The following KDM2A variants were observed in gnomAD, a reference collection of about 807,000 sequenced individuals.
The protein encoded by KDM2A is lysine demethylase 2A.
In KDM2A, 3 loss-of-function variants were observed where a neutral mutation model predicts 137.3. The ratio of observed to expected loss-of-function variants is 0.02; its 90% confidence interval spans 0.01 to 0.06. KDM2A has a LOEUF of 0.06. Among genes scored for constraint, KDM2A ranks in the 10% least tolerant of loss-of-function variants. KDM2A has a pLI of 1.00. For synonymous variants in KDM2A, 512 were observed against 541.5 expected (o/e 0.95, Z 0.76); for missense variants, 738 against 1,510.6 (o/e 0.49, Z 8.48).
rs545799963 is a variant in KDM2A at position 67,214,506 on chromosome 11, A to G, written c.487-834A>G. Among the ~76,000 whole-genome samples, 7 of 151,610 alleles carry G rather than the reference A, an allele frequency of 4.6e-5. No individual in the cohort carries two copies. In the South Asian group the frequency reaches 1.5e-3, roughly 32 times the overall value. On this transcript the variant is annotated intron_variant, in intron 6 of 20. Transcript: ENST00000529006. ...GGCGTGAGCCACTGCACTGGGCCTA[A>G]TTTTGTATTTTTAGTAGAGACGGGA...
At chr11:67,154,142 C>T (rs1856463866) in intron 2 of KDM2A, among the ~76,000 whole-genome samples, 1 of 152,198 alleles carries the variant, frequency 6.6e-6, no homozygotes, top group Non-Finnish European at 1.5e-5. Context: ...TTATATTTGA[C>T]TGTTGACTCT....
chr11:67,161,311 A>G (rs1199414029), intron 2 of KDM2A, among the ~76,000 whole-genome samples: 1 of 152,224 alleles, frequency 6.6e-6, no homozygotes, highest in Non-Finnish European at 1.5e-5. Flanking sequence ...TAGAAATTGT[A>G]TCCACGTGAA....
rs558324802 is a variant in KDM2A, at chr11:67,161,090, A to T, written c.43-18989A>T. Among the ~76,000 whole-genome samples the T allele has an allele frequency of 2.0e-5, 3 of 152,234 alleles. No homozygotes were observed. The East Asian group carries it at 5.8e-4, about 29-fold the overall frequency. ...ACAAGGTGGACTAGTGGCCAGGCAC[A>T]GTAATTCACACCTGTATTCCCCACA... On this transcript the variant is annotated intron_variant, in intron 2 of 20. Transcript: ENST00000529006.
chr11:67,253,880 A>G (rs1031019163), intron 19 of KDM2A, among the ~76,000 whole-genome samples: 1 of 152,188 alleles, frequency 6.6e-6, no homozygotes, highest in African/African-American at 2.4e-5. Context: ...AGAAGGCTTT[A>G]TGGTGGAGGT....
At chr11:67,252,892 G>T (rs781084427) in intron 18 of KDM2A, 35 bp downstream of exon 18, 78 of 1,575,226 alleles carry the variant, frequency 5.0e-5, no homozygotes, top group Non-Finnish European at 6.3e-5. Context: ...CTTTCCAGGG[G>T]CCCAGAAGAA....
intron 5 of KDM2A, among the ~76,000 whole-genome samples, chr11:67,189,035 A>G (rs1300168921): frequency 6.6e-6 from 1 of 152,142 alleles, no homozygotes; most frequent in Non-Finnish European, 1.5e-5. Flanking sequence ...AAGTAAGGAA[A>G]TAGTGGACTT....
intron 5 of KDM2A, among the ~76,000 whole-genome samples, chr11:67,195,109 A>T (rs1311919597): frequency 6.6e-6 from 1 of 152,106 alleles, no homozygotes; most frequent in African/African-American, 2.4e-5. Flanking sequence ...TCTTGTCAGA[A>T]CCCATTGAGA....
intron 5 of KDM2A, chr11:67,195,469 C>G (rs1233768026): frequency 6.8e-6 from 1 of 147,990 alleles, no homozygotes; most frequent in Non-Finnish European, 1.5e-5. Context: ...TTTTTAAACT[C>G]TTCTATTTTC....
chr11:67,132,302 G>A (rs944989650), intron 2 of KDM2A, among the ~76,000 whole-genome samples: 3 of 151,950 alleles, frequency 2.0e-5, no homozygotes, highest in Admixed American at 6.6e-5. Flanking sequence ...TTGTTTTTTG[G>A]ATATGGAGTC....
At chr11:67,205,067 A>G (rs984275460) in intron 5 of KDM2A, among the ~76,000 whole-genome samples, 1 of 152,172 alleles carries the variant, frequency 6.6e-6, no homozygotes, top group Non-Finnish European at 1.5e-5. Flanking sequence ...TAGTTTATTG[A>G]GGAACTGCAA....
Position 67,149,488 on chromosome 11 carries a change from C to T in KDM2A, c.42+28130C>T, listed in dbSNP as rs768201365. ...TCTGATTTTTTAGTTATATAGATAA[C>T]ATATATCTGTATTATTGTAGAAATT... is the stretch of plus-strand genomic sequence containing the variant. On this transcript the variant is annotated intron_variant, in intron 2 of 20. Transcript: ENST00000529006. 3.9e-5 allele frequency among the ~76,000 whole-genome samples: 6 copies of T among 151,986 alleles called. 1 individual carries two copies. The highest frequency in any genetic ancestry group is 2.6e-4 in the Admixed American group (4 of 15,250).
chr11:67,248,131 C>T, intron 15 of KDM2A, 150 bp from the exon 16 acceptor site: 1 of 622,612 alleles, frequency 1.6e-6, no homozygotes, highest in Non-Finnish European at 2.9e-6. Context: ...GGTTCAGCAC[C>T]ATTGGCTATT....
intron 2 of KDM2A, among the ~76,000 whole-genome samples, chr11:67,166,185 CTTTTT>C (rs926802116): frequency 2.3e-5 from 3 of 131,550 alleles, no homozygotes; most frequent in African/African-American, 5.5e-5. Flanking sequence ...CAATATTTCT[CTTTTT>C]TTTTTTTTTT....
chr11:67,131,479 T>C (rs776282931), intron 2 of KDM2A, among the ~76,000 whole-genome samples: 3 of 150,470 alleles, frequency 2.0e-5, no homozygotes, highest in African/African-American at 4.9e-5. Flanking sequence ...TGGTGCGATA[T>C]TGGCTCACTG....
intron 11 of KDM2A, 124 bp from the exon 12 acceptor site, chr11:67,231,442 A>AT (rs1364603328): frequency 3.4e-6 from 3 of 894,952 alleles, no homozygotes; most frequent in African/African-American, 3.4e-5. Flanking sequence ...AAGATAGACC[A>AT]TTTTTTTAAA....
At chr11:67,174,794 G>T (rs952323975) in intron 2 of KDM2A, among the ~76,000 whole-genome samples, 6 of 152,152 alleles carry the variant, frequency 3.9e-5, no homozygotes, top group Non-Finnish European at 7.4e-5. Flanking sequence ...AAAGTAATTT[G>T]TTGTTGGTTA....
chr11:67,206,221 A>C (rs1411044903), intron 5 of KDM2A, among the ~76,000 whole-genome samples: 2 of 152,246 alleles, frequency 1.3e-5, no homozygotes, highest in Non-Finnish European at 2.9e-5. Context: ...AGCTGAGGTC[A>C]GGAGTTTGAG....
At chr11:67,168,663 ACG>A (rs1856808214) in intron 2 of KDM2A, among the ~76,000 whole-genome samples, 7 of 146,798 alleles carry the variant, frequency 4.8e-5, no homozygotes, top group Non-Finnish European at 4.5e-5. Context: ...ACACACACAC[ACG>A]GTCGGGGGGA....
At chr11:67,122,656 T>A (rs1373474018) in intron 2 of KDM2A, among the ~76,000 whole-genome samples, 1 of 125,268 alleles carries the variant, frequency 8.0e-6, no homozygotes, top group African/African-American at 5.1e-5. Flanking sequence ...TATTTATTTA[T>A]TTATTTATTT....
Sources: allele counts gnomAD v4.1 joint callset (sites outside exome capture counted in the v4.1 genomes callset), GRCh38; gene constraint gnomAD v4.1.1; transcripts MANE v1.5; gene names NCBI Gene and HGNC (gene_info 2026-07-23, HGNC 2026-07-21).